Variants in RAI14 observed in about 807,000 individuals in gnomAD.
The protein encoded by RAI14 is ankycorbin.
Under a neutral mutation model 115.4 loss-of-function variants are expected in RAI14, and 45 were observed. The ratio of observed to expected loss-of-function variants is 0.39; its 90% CI spans 0.31 to 0.50. The LOEUF is 0.50. RAI14 is among the 20% of genes least tolerant of loss of function. The pLI, the probability that RAI14 is intolerant of heterozygous loss-of-function variation, is 0.85. For missense variants in RAI14, 939 were observed against 1,131.2 expected (o/e 0.83, Z 2.44); for synonymous variants, 371 against 415.4 (o/e 0.89, Z 1.30).
chr5:34,756,854 T>C, intron 2 of RAI14, among the ~76,000 whole-genome samples: 1 of 152,212 alleles, frequency 6.6e-6, no homozygotes, highest in South Asian at 2.1e-4. Context: ...TGATTGAGGC[T>C]TTGCTCAAAG....
chr5:34,733,986 C>T (rs1337982214), intron 2 of RAI14, among the ~76,000 whole-genome samples: 2 of 152,202 alleles, frequency 1.3e-5, no homozygotes, highest in African/African-American at 4.8e-5. Flanking sequence ...TCCCAGGAAA[C>T]TCACTCATCC....
At chr5:34,812,237 T>A (rs756167000) in intron 10 of RAI14, 29 bp downstream of exon 10, 1 of 1,552,518 alleles carries the variant, frequency 6.4e-7, no homozygotes. Context: ...GGCTTCTATG[T>A]TTCATTTATG....
At chr5:34,725,413 A>G (rs1053545176) in intron 2 of RAI14, among the ~76,000 whole-genome samples, 7 of 152,284 alleles carry the variant, frequency 4.6e-5, no homozygotes, top group Middle Eastern at 3.4e-3. Flanking sequence ...TAGAAGCAAT[A>G]GAAGAAGTCA....
At chr5:34,739,324 G>A (rs940275810) in intron 2 of RAI14, among the ~76,000 whole-genome samples, 1 of 152,174 alleles carries the variant, frequency 6.6e-6, no homozygotes, top group Non-Finnish European at 1.5e-5. Flanking sequence ...AAGTGGTAGA[G>A]CGAGGCTGTG....
rs769257782 is a variant in RAI14 at position 34,795,927 on chromosome 5, TTC to T, written c.168-8_168-7del. On this transcript the variant is annotated splice_polypyrimidine_tract_variant and intron_variant, in intron 3 of 17. Transcript: ENST00000265109. ...GAAATCTCAAGGAGATTGTGTTTAC[TTC>T]TCTTTCCAGTTTCCATCTTGCTGCT... 2 of 1,607,128 alleles carry T rather than the reference TTC, an allele frequency of 1.2e-6. No homozygotes were observed. The highest frequency in any genetic ancestry group is 4.5e-5 in the East Asian group (2 of 44,844).
chr5:34,775,010 A>G (rs1750659966), intron 3 of RAI14, among the ~76,000 whole-genome samples: 2 of 152,192 alleles, frequency 1.3e-5, no homozygotes, highest in Admixed American at 1.3e-4. Context: ...AAGAACATAC[A>G]TTGGGAAAAG....
At position 34,739,772 on chromosome 5, in the gene RAI14, T is replaced by C. The variant is rs530469934; in HGVS notation, c.37-17696T>C. On this transcript the variant is annotated intron_variant, in intron 2 of 17. Coordinates refer to ENST00000265109, the MANE Select transcript of RAI14 (RefSeq NM_015577.3). ...GCCTGGGATACAGACGTAAAAGCCA[T>C]GGTCCCTGGCCAGGTGTGGTGGCTC... is the stretch of plus-strand genomic sequence containing the variant. Among the ~76,000 whole-genome samples, 280 of 152,214 alleles carry C rather than the reference T, an allele frequency of 1.8e-3. 1 individual carries two copies. Among genetic ancestry groups the C allele is most frequent in the African/African-American group, 6.4e-3 (264 of 41,564 alleles).
chr5:34,715,109 G>A (rs1363975498), intron 2 of RAI14, among the ~76,000 whole-genome samples: 4 of 152,128 alleles, frequency 2.6e-5, no homozygotes, highest in Non-Finnish European at 4.4e-5. Flanking sequence ...CAAGGGGAGC[G>A]TGGGCATACT....
chr5:34,722,586 C>T (rs993278978), intron 2 of RAI14, among the ~76,000 whole-genome samples: 2 of 152,162 alleles, frequency 1.3e-5, no homozygotes, highest in South Asian at 4.1e-4. Flanking sequence ...TGGCTCATGC[C>T]TGTAATCCCA....
chr5:34,660,638 C>T (rs1160314770), intron 1 of RAI14, among the ~76,000 whole-genome samples: 4 of 152,156 alleles, frequency 2.6e-5, no homozygotes, highest in African/African-American at 9.7e-5. Context: ...TACAAAGGCA[C>T]ATTCCTGTTC....
rs1561315251 is a variant in RAI14 at position 34,754,523 on chromosome 5, C to CGGCTAATTTTTTGTATTTTT, written c.37-2945_37-2944insGGCTAATTTTTTGTATTTTT. Among the ~76,000 whole-genome samples the CGGCTAATTTTTTGTATTTTT allele has an allele frequency of 3.2e-3, 478 of 148,386 alleles. 2 individuals carry two copies. The highest frequency in any genetic ancestry group is 0.01 in the Middle Eastern group (3 of 288). ...GATTACAGTTATGAGCTACCACGCCCAGGCTCTTACCTTCCCTCCTCTTTT... is the reference window on the plus strand; with the variant it reads ...GATTACAGTTATGAGCTACCACGCCCGGCTAATTTTTTGTATTTTTAGGCTCTTACCTTCCCTCCTCTTTT... On this transcript the variant is annotated intron_variant, in intron 2 of 17. Transcript: ENST00000265109.
intron 3 of RAI14, among the ~76,000 whole-genome samples, chr5:34,771,800 CTG>C (rs1750196693): frequency 6.6e-6 from 1 of 152,226 alleles, no homozygotes; most frequent in Admixed American, 6.5e-5. Context: ...ACTGAGAACA[CTG>C]TTTGCTTTTT....
chr5:34,658,743 A>C (rs1439665282), intron 1 of RAI14, among the ~76,000 whole-genome samples: 1 of 152,152 alleles, frequency 6.6e-6, no homozygotes, highest in African/African-American at 2.4e-5. Context: ...GGTTGCAGTG[A>C]GCTGGGATTG....
intron 11 of RAI14, 133 bp from the exon 12 acceptor site, chr5:34,814,450 A>T: frequency 1.5e-6 from 1 of 651,532 alleles, no homozygotes; most frequent in Admixed American, 2.7e-5. Flanking sequence ...TCTACCCGTG[A>T]ATTAATTGAT....
At chr5:34,753,479 A>G (rs1747413313) in intron 2 of RAI14, among the ~76,000 whole-genome samples, 2 of 152,130 alleles carry the variant, frequency 1.3e-5, no homozygotes, top group Non-Finnish European at 2.9e-5. Flanking sequence ...GAATTTTGGT[A>G]TAGAAAATGG....
intron 1 of RAI14, among the ~76,000 whole-genome samples, chr5:34,675,971 T>C (rs922469687): frequency 1.3e-5 from 2 of 152,244 alleles, no homozygotes; most frequent in South Asian, 4.1e-4. Flanking sequence ...CAATTACAAA[T>C]GCTACTTCTA....
At chr5:34,825,176 A>G (rs1757313356) in intron 15 of RAI14, among the ~76,000 whole-genome samples, 1 of 151,678 alleles carries the variant, frequency 6.6e-6, no homozygotes. Context: ...TTGAGAGGCT[A>G]AGGCAGGAAA....
intron 1 of RAI14, among the ~76,000 whole-genome samples, chr5:34,680,000 T>G (rs1350536606): frequency 6.6e-6 from 1 of 152,182 alleles, no homozygotes; most frequent in East Asian, 1.9e-4. Context: ...CTGTAAAACA[T>G]TTATTGATTA....
intron 2 of RAI14, among the ~76,000 whole-genome samples, chr5:34,715,264 GTGT>G (rs958647622): frequency 6.6e-6 from 1 of 152,048 alleles, no homozygotes; most frequent in Non-Finnish European, 1.5e-5. Context: ...CCAAATGTGG[GTGT>G]TCCTGAAACT....
Sources: gnomAD v4.1 joint callset for allele counts (sites outside exome capture counted in the v4.1 genomes callset) on GRCh38, gnomAD v4.1.1 for gene constraint, MANE v1.5 for transcripts, NCBI Gene and HGNC (gene_info 2026-07-23, HGNC 2026-07-21) for gene names.